The following GNA11 variants were observed in gnomAD, a reference collection of about 807,000 sequenced individuals.
GNA11 encodes the protein guanine nucleotide-binding protein subunit alpha-11.
GNA11 carries 8 observed loss-of-function variants against 38.2 expected under a neutral mutation model. The observed-to-expected ratio is 0.21, with a 90% CI of 0.12 to 0.38. The LOEUF is 0.38. GNA11 is among the 10% of genes least tolerant of loss of function. GNA11 has a pLI of 1.00. For missense variants in GNA11, 268 were observed against 516.3 expected, an observed-to-expected ratio of 0.52 and a Z score of 4.66; for synonymous variants, 211 against 221.4, an observed-to-expected ratio of 0.95 and a Z score of 0.42.
rs140749796 is a variant in GNA11 at position 3,121,122 on chromosome 19, C to T, written c.1023C>T (p.Phe341=). Residue 341 remains phenylalanine, a synonymous_variant, in exon 7 of 7, where the codon TTC becomes TTT. Transcript: ENST00000078429. ...ACACGGAGAACATCCGCTTCGTGTTCGCGGCCGTGAAGGACACCATCCTGC... is the reference window on the plus strand; with the variant it reads ...ACACGGAGAACATCCGCTTCGTGTTTGCGGCCGTGAAGGACACCATCCTGC... ...ATDTENIRFV[F]AAVKDTILQL... The T allele has an allele frequency of 1.4e-5, 23 of 1,613,692 alleles. No individual in the cohort carries two copies. The highest frequency in any genetic ancestry group is 2.7e-5 in the African/African-American group (2 of 74,892).
Position 3,108,656 on chromosome 19 carries a change from A to G in GNA11, c.137-1493A>G, listed in dbSNP as rs985532177. Among the ~76,000 whole-genome samples the G allele has an allele frequency of 4.6e-5, 7 of 152,184 alleles. No individual in the cohort carries two copies. The highest frequency in any genetic ancestry group is 1.0e-4 in the Non-Finnish European group (7 of 68,040). On this transcript the variant is annotated intron_variant, in intron 1 of 6. Coordinates refer to ENST00000078429, the MANE Select transcript of GNA11 (RefSeq NM_002067.5). This position sits in a 1 kb window ranked among gnomAD's most constrained non-coding sequence, Gnocchi z 4.5. ...TCTTTTTAGAAATTAGAAGTTAACTATTGCTGTGTAATGGGGTCACCCCAA... is the reference window on the plus strand; with the variant it reads ...TCTTTTTAGAAATTAGAAGTTAACTGTTGCTGTGTAATGGGGTCACCCCAA...
chr19:3,094,914 CG>C lies in GNA11; in HGVS notation c.136+131del. On this transcript the variant is annotated intron_variant, in intron 1 of 6. Transcript: ENST00000078429. This position sits in a 1 kb window ranked among gnomAD's most constrained non-coding sequence, Gnocchi z 6.0. ...GTGCCGTCCGGGTCGCGAGACCCTC[CG>C]GGGTCAGCCCTGCCTGTGCCTTCCC... is the stretch of plus-strand genomic sequence containing the variant. 1.7e-6 allele frequency: 1 copy of C among 604,312 alleles called. No individual in the cohort carries two copies. Among genetic ancestry groups the C allele is most frequent in the Non-Finnish European group, 2.6e-6 (1 of 385,734 alleles). The allele number at this position is 604,312 out of a possible 1,614,324, so 37.4% of individuals were successfully genotyped here.
chr19:3,119,405 A>T lies in GNA11; in HGVS notation c.889+46A>T, dbSNP rs767752518. ...GGGAGGGGCTCGCGGGCAGGGCCTT[A>T]CTGGGGGGAGGGGGCTGATATGGGA... is the stretch of plus-strand genomic sequence containing the variant. On this transcript the variant is annotated intron_variant, in intron 6 of 6. Coordinates refer to ENST00000078429, the MANE Select transcript of GNA11 (RefSeq NM_002067.5). This position sits in a 1 kb window ranked among gnomAD's most constrained non-coding sequence, Gnocchi z 4.6. The T allele has an allele frequency of 6.4e-7, 1 of 1,571,080 alleles. No individual in the cohort carries two copies. The highest frequency in any genetic ancestry group is 8.7e-7 in the Non-Finnish European group (1 of 1,148,968).
intron 1 of GNA11, among the ~76,000 whole-genome samples, chr19:3,096,116 AGGTCGCATGTTGTGT>A (rs1170777854): frequency 6.6e-6 from 1 of 152,116 alleles, no homozygotes; most frequent in Non-Finnish European, 1.5e-5. Flanking sequence ...GGGAGGAGGC[AGGTCGCATGTTGTGT>A]GGGGAACACG....
Position 3,108,813 on chromosome 19 carries a change from G to A in GNA11, c.137-1336G>A, listed in dbSNP as rs1913696766. ...TAGTCAGGATACCAGCCAAGCAGGG[G>A]CCACATCATTTGAAGGCTGGACTGG... On this transcript the variant is annotated intron_variant, in intron 1 of 6. Transcript: ENST00000078429. This position sits in a 1 kb window ranked among gnomAD's most constrained non-coding sequence, Gnocchi z 4.5. 6.6e-6 allele frequency among the ~76,000 whole-genome samples: 1 copy of A among 152,136 alleles called. No individual in the cohort carries two copies. Among genetic ancestry groups the A allele is most frequent in the Non-Finnish European group, 1.5e-5 (1 of 68,028 alleles).
chr19:3,121,255 G>T lies in GNA11; in HGVS notation c.*76G>T. 1 of 1,227,718 alleles carries T rather than the reference G, an allele frequency of 8.1e-7. No homozygotes were observed. The highest frequency in any genetic ancestry group is 1.2e-6 in the Non-Finnish European group (1 of 864,598). The allele number at this position is 1,227,718 out of a possible 1,614,324, so 76.1% of individuals were successfully genotyped here. On this transcript the variant is annotated 3_prime_UTR_variant, in exon 7 of 7. Transcript: ENST00000078429. The stretch of plus-strand genomic sequence containing the variant: ...CCACGGAGCCTGCGGCTGCCGGGCG[G>T]GTGGCGCTGCCGAGTCCGGGCCGGG...
chr19:3,108,259 G>A lies in GNA11; in HGVS notation c.137-1890G>A, dbSNP rs1913683583. Among the ~76,000 whole-genome samples the A allele has an allele frequency of 6.6e-6, 1 of 152,194 alleles. No homozygotes were observed. Among genetic ancestry groups the A allele is most frequent in the African/African-American group, 2.4e-5 (1 of 41,434 alleles). On this transcript the variant is annotated intron_variant, in intron 1 of 6. Coordinates refer to ENST00000078429, the MANE Select transcript of GNA11 (RefSeq NM_002067.5). The surrounding 1 kb of genome is among the most constrained non-coding windows in gnomAD (Gnocchi z 4.5). ...CATCTCTAGGAGCTGCCAGGTGAGG[G>A]GTCCTGCGACAGGCACCTGTGCAAA...
chr19:3,110,073 G>A lies in GNA11; in HGVS notation c.137-76G>A, dbSNP rs1407538026. On this transcript the variant is annotated intron_variant, in intron 1 of 6. Transcript: ENST00000078429. This position sits in a 1 kb window ranked among gnomAD's most constrained non-coding sequence, Gnocchi z 5.4. Reference sequence around the variant, plus strand: ...TGTGCTGGGTGCTGCAGCACGGCAGGGTCTGGGTAAGAGGGGGCAGCAGCA... The same window carrying A: ...TGTGCTGGGTGCTGCAGCACGGCAGAGTCTGGGTAAGAGGGGGCAGCAGCA... The A allele has an allele frequency of 8.2e-7, 1 of 1,225,052 alleles. No individual in the cohort carries two copies. The highest frequency in any genetic ancestry group is 1.2e-6 in the Non-Finnish European group (1 of 868,486). 75.9% of individuals were successfully genotyped at this position (1,225,052 alleles called of 1,614,324 possible).
At chr19:3,111,243 A>G (rs926053941) in intron 2 of GNA11, among the ~76,000 whole-genome samples, 3 of 152,084 alleles carry the variant, frequency 2.0e-5, no homozygotes, top group African/African-American at 7.2e-5. Flanking sequence ...ATATGTTTGC[A>G]TAGTCGTGCA....
chr19:3,104,437 C>G (rs982251036), intron 1 of GNA11, among the ~76,000 whole-genome samples: 5 of 152,186 alleles, frequency 3.3e-5, no homozygotes, highest in Admixed American at 1.3e-4. Flanking sequence ...TGTGGGGCGG[C>G]CTGTGGCAGG....
rs1050690556 is a variant in GNA11 at position 3,120,277 on chromosome 19, C to T, written c.890-712C>T. Among the ~76,000 whole-genome samples, 2 of 151,770 alleles carry T rather than the reference C, an allele frequency of 1.3e-5. No individual in the cohort carries two copies. Among genetic ancestry groups the T allele is most frequent in the Non-Finnish European group, 2.9e-5 (2 of 67,814 alleles). ...CTGGGCAGGGGAGTGGCGGGGGGCG[C>T]TGCACCTGCTCCAGCCGCACGTGGC... is the stretch of plus-strand genomic sequence containing the variant. On this transcript the variant is annotated intron_variant, in intron 6 of 6. Transcript: ENST00000078429. The surrounding 1 kb of genome is among the most constrained non-coding windows in gnomAD (Gnocchi z 5.9).
intron 1 of GNA11, among the ~76,000 whole-genome samples, chr19:3,096,456 G>A (rs541591468): frequency 3.3e-5 from 5 of 152,180 alleles, no homozygotes; most frequent in Non-Finnish European, 7.3e-5. Flanking sequence ...CTTACCAGAT[G>A]GCCTTGCCCT....
At chr19:3,117,804 GA>G (rs1421822013) in intron 4 of GNA11, 2 of 152,392 alleles carry the variant, frequency 1.3e-5, no homozygotes, top group Non-Finnish European at 2.9e-5. Context: ...GGTGCTGTGG[GA>G]TGCAGCTGGA....
chr19:3,118,808 G>A (rs1266920643), intron 4 of GNA11, 116 bp from the exon 5 acceptor site: 1 of 969,030 alleles, frequency 1.0e-6, no homozygotes, highest in East Asian at 2.4e-5. Flanking sequence ...GGCTCTTCCT[G>A]CTCCAGCCGA....
chr19:3,097,792 C>T (rs975525620), intron 1 of GNA11, among the ~76,000 whole-genome samples: 6 of 152,314 alleles, frequency 3.9e-5, no homozygotes, highest in East Asian at 1.9e-4. Flanking sequence ...AACAGGTCTC[C>T]CCGGGGCCCT....
intron 1 of GNA11, among the ~76,000 whole-genome samples, chr19:3,095,063 C>T (rs1327437850): frequency 6.6e-6 from 1 of 151,880 alleles, no homozygotes; most frequent in South Asian, 2.1e-4. Flanking sequence ...GCTCGGGACC[C>T]TCTGGGGTCA....
At chr19:3,112,000 AC>A (rs1913786339) in intron 2 of GNA11, among the ~76,000 whole-genome samples, 1 of 152,252 alleles carries the variant, frequency 6.6e-6, no homozygotes, top group African/African-American at 2.4e-5. Flanking sequence ...AGCTTCTGAA[AC>A]ACGCATCTGC....
intron 3 of GNA11, among the ~76,000 whole-genome samples, 188 bp from the exon 4 acceptor site, chr19:3,114,756 G>A (rs1057438123): frequency 1.3e-5 from 2 of 152,166 alleles, no homozygotes; most frequent in Non-Finnish European, 2.9e-5. Flanking sequence ...TGGGAGGCTC[G>A]TATCCCGACC....
intron 1 of GNA11, among the ~76,000 whole-genome samples, chr19:3,100,833 T>C (rs774094055): frequency 1.5e-4 from 23 of 152,144 alleles, no homozygotes; most frequent in Non-Finnish European, 2.2e-4. Flanking sequence ...TGTAGGATTG[T>C]GGAAGGATTA....
Sources: gnomAD v4.1 joint callset for allele counts (sites outside exome capture counted in the v4.1 genomes callset) on GRCh38, gnomAD v4.1.1 for gene constraint, Gnocchi (gnomAD v3.1) non-coding constraint, MANE v1.5 for transcripts, NCBI Gene and HGNC (gene_info 2026-07-23, HGNC 2026-07-21) for gene names.